The following SARNP variants were observed in gnomAD, a reference collection of about 807,000 sequenced individuals.
The protein encoded by SARNP is SAP domain-containing ribonucleoprotein.
A neutral mutation model predicts 38.1 loss-of-function variants in SARNP; 5 were observed. That is an observed-to-expected ratio of 0.13 (90% CI 0.07 to 0.28). SARNP has a LOEUF of 0.28. Ranked by LOEUF, SARNP falls within the 10% of genes least tolerant of loss-of-function variation. The pLI is 1.00. For missense variants in SARNP, 180 were observed against 243.9 expected (o/e 0.74, Z 1.75); for synonymous variants, 84 against 80.6 (o/e 1.04, Z -0.23).
At chr12:55,806,077 TA>T (rs1373802395) in intron 1 of SARNP, among the ~76,000 whole-genome samples, 48 of 146,972 alleles carry the variant, frequency 3.3e-4, no homozygotes, top group Non-Finnish European at 4.2e-4. Flanking sequence ...TTGCCAGTTT[TA>T]AAAAAAAAAA....
At chr12:55,769,699 G>A (rs377054407) in intron 9 of SARNP, among the ~76,000 whole-genome samples, 9 of 152,214 alleles carry the variant, frequency 5.9e-5, no homozygotes, top group Non-Finnish European at 8.8e-5. Context: ...AACGGCGAAC[G>A]ATGCATGCTC....
At chr12:55,763,323 T>C (rs900972552) in intron 9 of SARNP, among the ~76,000 whole-genome samples, 72 of 143,408 alleles carry the variant, frequency 5.0e-4, no homozygotes, top group Middle Eastern at 7.0e-3. Context: ...TTTTTTTTTT[T>C]TCCCCAGAGA....
Position 55,757,393 on chromosome 12 carries a change from T to G in SARNP, c.*119A>C. 1.5e-6 allele frequency: 1 copy of G among 688,584 alleles called. No homozygotes were observed. Among genetic ancestry groups the G allele is most frequent in the Non-Finnish European group, 2.3e-6 (1 of 432,868 alleles). The allele number at this position is 688,584 out of a possible 1,614,324, so 42.7% of individuals were successfully genotyped here. A position where few individuals can be genotyped will look rare whatever the true frequency, so the allele number is the denominator to read the frequency against. On this transcript the variant is annotated 3_prime_UTR_variant, in exon 11 of 11. Coordinates refer to ENST00000336133, the MANE Select transcript of SARNP (RefSeq NM_033082.4). The stretch of plus-strand genomic sequence containing the variant: ...AGTTCATGGATGTACCTGGGGTACA[T>G]GCTCCCTCATTGCGAGGCAGGACGT...
rs551453619 is a variant in SARNP, at chr12:55,780,125, G to A, written c.501+8950C>T. Among the ~76,000 whole-genome samples, 21 of 152,246 alleles carry A rather than the reference G, an allele frequency of 1.4e-4. 1 individual carries two copies. In the East Asian group the frequency reaches 3.9e-3, roughly 28 times the overall value. Reference sequence around the variant, plus strand: ...ATCATGCCACTGCACTTCAGCCTGGGCGACAGAGCAAGACCTTGTCTCCAA... The same window carrying A: ...ATCATGCCACTGCACTTCAGCCTGGACGACAGAGCAAGACCTTGTCTCCAA... On this transcript the variant is annotated intron_variant, in intron 9 of 10. Coordinates refer to ENST00000336133, the MANE Select transcript of SARNP (RefSeq NM_033082.4).
chr12:55,781,497 C>T (rs776752170), intron 9 of SARNP, among the ~76,000 whole-genome samples: 19 of 150,560 alleles, frequency 1.3e-4, no homozygotes, highest in Non-Finnish European at 2.4e-4. Flanking sequence ...TTGCGCTGCT[C>T]CACTTCAGCC....
At chr12:55,799,575 T>TTTTTC (rs1555173534) in intron 4 of SARNP, among the ~76,000 whole-genome samples, 2 of 148,038 alleles carry the variant, frequency 1.4e-5, no homozygotes, top group Non-Finnish European at 3.0e-5. Context: ...TTTTTTTTTT[T>TTTTTC]CCCGAGACAG....
chr12:55,788,837 C>T (rs549423038), intron 9 of SARNP, among the ~76,000 whole-genome samples: 5 of 152,156 alleles, frequency 3.3e-5, no homozygotes, highest in Admixed American at 6.5e-5. Context: ...ATGTAGACCA[C>T]GCTCTAGCAG....
At chr12:55,786,393 C>T (rs776486419) in intron 9 of SARNP, among the ~76,000 whole-genome samples, 5 of 152,160 alleles carry the variant, frequency 3.3e-5, no homozygotes, top group East Asian at 1.9e-4. Context: ...AGAACCAAGG[C>T]ACCCTTCCCC....
chr12:55,768,835 T>C (rs543175255), intron 9 of SARNP, among the ~76,000 whole-genome samples: 5 of 152,184 alleles, frequency 3.3e-5, no homozygotes, highest in Non-Finnish European at 5.9e-5. Flanking sequence ...GCGATTCTCC[T>C]GTCTCAGCCT....
At chr12:55,760,736 C>A (rs1592553117) in intron 9 of SARNP, 96 bp from the exon 10 acceptor site, 1 of 810,308 alleles carries the variant, frequency 1.2e-6, no homozygotes, top group East Asian at 2.4e-5. Context: ...AAGGTGCTAA[C>A]CAACCCTGTG....
chr12:55,785,264 A>G (rs1464121819), intron 9 of SARNP, among the ~76,000 whole-genome samples: 1 of 152,162 alleles, frequency 6.6e-6, no homozygotes, highest in Non-Finnish European at 1.5e-5. Flanking sequence ...AGTTCTGCCA[A>G]TTACCATTAT....
At chr12:55,754,505 G>T (rs1878440878), downstream of SARNP, 1 of 152,206 alleles carries the variant, frequency 6.6e-6, no homozygotes, top group African/African-American at 2.4e-5. Context: ...CAGTGAGCTG[G>T]GCTTGAGGGA....
At chr12:55,757,849 G>A (rs1441580605) in intron 10 of SARNP, among the ~76,000 whole-genome samples, 1 of 152,290 alleles carries the variant, frequency 6.6e-6, no homozygotes, top group Non-Finnish European at 1.5e-5. Context: ...GAAGCAAAGA[G>A]AGCCACTCAG....
intron 1 of SARNP, among the ~76,000 whole-genome samples, chr12:55,813,668 C>A (rs1442738151): frequency 6.6e-6 from 1 of 152,038 alleles, no homozygotes; most frequent in East Asian, 1.9e-4. Context: ...CCTCAGCCCC[C>A]CGAGTAGCTG....
intron 4 of SARNP, among the ~76,000 whole-genome samples, chr12:55,797,061 C>T (rs932377145): frequency 6.6e-6 from 1 of 152,176 alleles, no homozygotes; most frequent in Non-Finnish European, 1.5e-5. Context: ...AAACAACTCC[C>T]ATAAAACTGT....
intron 1 of SARNP, among the ~76,000 whole-genome samples, chr12:55,805,509 C>T (rs949233025): frequency 6.6e-6 from 1 of 152,160 alleles, no homozygotes; most frequent in African/African-American, 2.4e-5. Flanking sequence ...GTCAGGAGTT[C>T]AACAGCAGCC....
intron 3 of SARNP, 99 bp downstream of exon 3, chr12:55,800,755 A>AAT (rs2136201005): frequency 7.6e-7 from 1 of 1,308,780 alleles, no homozygotes; most frequent in Admixed American, 1.7e-5. Context: ...ATGCTCCCCT[A>AAT]ATAAATTTAC....
chr12:55,814,791 C>T (rs529845614), intron 1 of SARNP, among the ~76,000 whole-genome samples: 2 of 151,898 alleles, frequency 1.3e-5, no homozygotes, highest in Non-Finnish European at 2.9e-5. Flanking sequence ...ATTGCTTGAA[C>T]CTGGAAGGCG....
chr12:55,795,840 T>C (rs1160165855), intron 5 of SARNP, among the ~76,000 whole-genome samples, 185 bp downstream of exon 5: 1 of 152,190 alleles, frequency 6.6e-6, no homozygotes, highest in Non-Finnish European at 1.5e-5. Context: ...ACTTCAAGAA[T>C]GACTACCCCT....
Sources: allele counts gnomAD v4.1 joint callset (sites outside exome capture counted in the v4.1 genomes callset), GRCh38; gene constraint gnomAD v4.1.1; transcripts MANE v1.5; gene names NCBI Gene and HGNC (gene_info 2026-07-23, HGNC 2026-07-21).